Variants in ARHGAP15 observed in about 807,000 individuals in gnomAD.
The protein encoded by ARHGAP15 is Rho GTPase activating protein 15, also known as rho GTPase-activating protein 15.
In ARHGAP15, 51 loss-of-function variants were observed where a neutral mutation model predicts 63.7. The ratio of observed to expected loss-of-function variants is 0.80; its 90% CI spans 0.64 to 1.01. The LOEUF is 1.01. Ranked by LOEUF, ARHGAP15 falls within the 50% of genes least tolerant of loss-of-function variation. The probability of loss-of-function intolerance (pLI) is 0.00; values close to 1 mark genes in which losing one functional copy is unlikely to be tolerated. For synonymous variants in ARHGAP15, 191 were observed against 193.8 expected, an observed-to-expected ratio of 0.99 and a Z score of 0.12; for missense variants, 560 against 564.6, an observed-to-expected ratio of 0.99 and a Z score of 0.08.
chr2:143,763,651 CATAT>C (rs898203028), intron 13 of ARHGAP15, among the ~76,000 whole-genome samples: 5 of 148,904 alleles, frequency 3.4e-5, no homozygotes, highest in African/African-American at 1.2e-4. Context: ...ATGCAAATTG[CATAT>C]ATATAAATTG....
chr2:143,679,275 G>A (rs1682979671), intron 12 of ARHGAP15, among the ~76,000 whole-genome samples: 1 of 152,080 alleles, frequency 6.6e-6, no homozygotes, highest in Non-Finnish European at 1.5e-5. Flanking sequence ...TTGGAGAAAG[G>A]GCTACATTAC....
intron 12 of ARHGAP15, among the ~76,000 whole-genome samples, chr2:143,695,980 G>C (rs1305385289): frequency 6.6e-6 from 1 of 152,054 alleles, no homozygotes; most frequent in Non-Finnish European, 1.5e-5. Flanking sequence ...AGAAAGAAAA[G>C]ATATTATTAC....
chr2:143,132,445 T>C (rs966240135), intron 1 of ARHGAP15, among the ~76,000 whole-genome samples: 1 of 152,216 alleles, frequency 6.6e-6, no homozygotes, highest in African/African-American at 2.4e-5. Context: ...TCTCACGAAA[T>C]TGTCAAGCTC....
At chr2:143,502,834 C>T (rs955935276) in intron 9 of ARHGAP15, among the ~76,000 whole-genome samples, 1 of 152,198 alleles carries the variant, frequency 6.6e-6, no homozygotes, top group African/African-American at 2.4e-5. Context: ...CCCACCTCAA[C>T]CTCCCCAAAT....
At chr2:143,493,324 T>C (rs1414744077) in intron 9 of ARHGAP15, among the ~76,000 whole-genome samples, 3 of 152,194 alleles carry the variant, frequency 2.0e-5, no homozygotes, top group Non-Finnish European at 4.4e-5. Context: ...AAAAAAACAA[T>C]AATCAGCTTT....
At chr2:143,550,568 T>C (rs1462905935) in intron 10 of ARHGAP15, among the ~76,000 whole-genome samples, 1 of 152,180 alleles carries the variant, frequency 6.6e-6, no homozygotes, top group Non-Finnish European at 1.5e-5. Context: ...TTTCAAGTGG[T>C]TAATAATCTC....
intron 11 of ARHGAP15, among the ~76,000 whole-genome samples, chr2:143,578,222 A>G (rs1696749989): frequency 6.6e-6 from 1 of 152,094 alleles, no homozygotes; most frequent in African/African-American, 2.4e-5. Context: ...ATAATCTTTG[A>G]AATGTTTTAG....
chr2:143,314,032 C>G (rs1683581121), intron 6 of ARHGAP15, among the ~76,000 whole-genome samples: 1 of 151,352 alleles, frequency 6.6e-6, no homozygotes, highest in Non-Finnish European at 1.5e-5. Context: ...GTTTTTCTCC[C>G]AAATGCTACT....
chr2:143,190,456 G>A (rs952431897), intron 2 of ARHGAP15, among the ~76,000 whole-genome samples: 3 of 152,184 alleles, frequency 2.0e-5, no homozygotes, highest in East Asian at 3.9e-4. Context: ...ATATCTGGGA[G>A]GTTGACTGAG....
intron 6 of ARHGAP15, among the ~76,000 whole-genome samples, chr2:143,284,790 T>C (rs1434703208): frequency 1.3e-5 from 2 of 152,206 alleles, no homozygotes; most frequent in Non-Finnish European, 2.9e-5. Flanking sequence ...TCCTGTCTCT[T>C]TTAAAATAAG....
intron 6 of ARHGAP15, among the ~76,000 whole-genome samples, chr2:143,321,167 TG>T (rs1256550034): frequency 1.3e-5 from 2 of 152,158 alleles, no homozygotes; most frequent in Non-Finnish European, 2.9e-5. Context: ...ATCGTGTGAA[TG>T]TGGAAAAGAG....
At chr2:143,415,904 C>T (rs977823449) in intron 6 of ARHGAP15, among the ~76,000 whole-genome samples, 3 of 152,182 alleles carry the variant, frequency 2.0e-5, no homozygotes, top group East Asian at 1.9e-4. Context: ...TGTTCTCACT[C>T]ATAAGTGGGA....
rs945722124 is a variant in ARHGAP15, at chr2:143,404,995, C to T, written c.475-30606C>T. ...AAACCCATATTATCAAAATTTACAACTTCTACATGAAAACAATCTGTAGGT... is the reference window on the plus strand; with the variant it reads ...AAACCCATATTATCAAAATTTACAATTTCTACATGAAAACAATCTGTAGGT... On this transcript the variant is annotated intron_variant, in intron 6 of 13. Coordinates refer to ENST00000295095, the MANE Select transcript of ARHGAP15 (RefSeq NM_018460.4). Among the ~76,000 whole-genome samples, 5 of 152,018 alleles carry T rather than the reference C, an allele frequency of 3.3e-5. No homozygotes were observed. The South Asian group carries it at 6.2e-4, about 19-fold the overall frequency.
intron 2 of ARHGAP15, chr2:143,162,283 C>A (rs1264869215): frequency 6.6e-6 from 1 of 151,944 alleles, no homozygotes; most frequent in African/African-American, 2.4e-5. Flanking sequence ...CTTGTCATTT[C>A]TCTGCATGGA....
intron 2 of ARHGAP15, among the ~76,000 whole-genome samples, chr2:143,185,885 CTTCT>C (rs1341849070): frequency 6.6e-6 from 1 of 152,120 alleles, no homozygotes; most frequent in Non-Finnish European, 1.5e-5. Flanking sequence ...TAGTCCTTTT[CTTCT>C]TTAACTTTAG....
chr2:143,391,285 C>A (rs1006086016), intron 6 of ARHGAP15, among the ~76,000 whole-genome samples: 2 of 152,176 alleles, frequency 1.3e-5, no homozygotes, highest in Non-Finnish European at 2.9e-5. Flanking sequence ...GCTAGAACAG[C>A]AGATTTCCTC....
intron 6 of ARHGAP15, among the ~76,000 whole-genome samples, chr2:143,382,213 G>A (rs1370872171): frequency 1.3e-5 from 2 of 151,518 alleles, no homozygotes; most frequent in Admixed American, 1.3e-4. Context: ...TAAGGCTACT[G>A]TAACAAAGTA....
At chr2:143,149,774 C>T (rs1689740725) in intron 1 of ARHGAP15, among the ~76,000 whole-genome samples, 1 of 151,916 alleles carries the variant, frequency 6.6e-6, no homozygotes, top group Non-Finnish European at 1.5e-5. Flanking sequence ...AAGACATTTT[C>T]TTCTTTGCCA....
At chr2:143,141,168 A>G (rs1689345805) in intron 1 of ARHGAP15, among the ~76,000 whole-genome samples, 1 of 152,076 alleles carries the variant, frequency 6.6e-6, no homozygotes, top group African/African-American at 2.4e-5. Context: ...AAACACAGGA[A>G]TCCAACAACA....
Sources: allele counts gnomAD v4.1 joint callset (sites outside exome capture counted in the v4.1 genomes callset), GRCh38; gene constraint gnomAD v4.1.1; transcripts MANE v1.5; gene names NCBI Gene and HGNC (gene_info 2026-07-23, HGNC 2026-07-21).